Variants in ABCA13 observed in about 807,000 individuals in gnomAD.
The protein encoded by ABCA13 is ATP binding cassette subfamily A member 13, also known as ATP-binding cassette sub-family A member 13.
A neutral mutation model predicts 478.7 loss-of-function variants in ABCA13; 476 were observed. That is an observed-to-expected ratio of 0.99 (90% confidence interval 0.92 to 1.07). ABCA13 has a LOEUF of 1.07. Among genes scored for constraint, ABCA13 ranks in the 50% least tolerant of loss-of-function variants. The pLI is 0.00. For synonymous variants in ABCA13, 2,252 were observed against 2,158.9 expected (o/e 1.04, Z -1.20); for missense variants, 6,060 against 5,910.6 (o/e 1.03, Z -0.83).
At chr7:48,556,783 A>G (rs570830178) in intron 55 of ABCA13, among the ~76,000 whole-genome samples, 2 of 151,872 alleles carry the variant, frequency 1.3e-5, no homozygotes, top group Non-Finnish European at 2.9e-5. Flanking sequence ...TTTTGATTGG[A>G]GAGTTTTGTC....
At chr7:48,417,430 T>C (rs568885918) in intron 41 of ABCA13, among the ~76,000 whole-genome samples, 19 of 152,314 alleles carry the variant, frequency 1.2e-4, no homozygotes, top group Admixed American at 2.6e-4. Context: ...GACAAGAACA[T>C]TGACACTTGC....
chr7:48,481,412 A>G (rs1828744031), intron 46 of ABCA13, among the ~76,000 whole-genome samples: 1 of 152,210 alleles, frequency 6.6e-6, no homozygotes, highest in African/African-American at 2.4e-5. Context: ...AAACAAACAA[A>G]AAAAATTCCA....
chr7:48,464,420 T>A (rs1437719152), intron 43 of ABCA13, among the ~76,000 whole-genome samples: 1 of 152,242 alleles, frequency 6.6e-6, no homozygotes, highest in Non-Finnish European at 1.5e-5. Context: ...TTAGGACAGT[T>A]GTAAACCATA....
At chr7:48,263,966 C>CA (rs1347964157) in intron 15 of ABCA13, among the ~76,000 whole-genome samples, 2 of 151,870 alleles carry the variant, frequency 1.3e-5, no homozygotes, top group African/African-American at 4.8e-5. Flanking sequence ...CCTGCCCTGT[C>CA]ACCAGGCTAC....
chr7:48,250,153 T>C (rs1370468062), intron 15 of ABCA13, among the ~76,000 whole-genome samples: 1 of 152,186 alleles, frequency 6.6e-6, no homozygotes, highest in Non-Finnish European at 1.5e-5. Flanking sequence ...GAACAGTAGA[T>C]GGAAGAAATG....
Position 48,400,645 on chromosome 7 carries a change from G to A in ABCA13, c.11874-3038G>A, listed in dbSNP as rs114262148. Among the ~76,000 whole-genome samples, 1,459 of 152,244 alleles carry A rather than the reference G, an allele frequency of 9.6e-3. 18 individuals are homozygous for A. Among genetic ancestry groups the A allele is most frequent in the African/African-American group, 0.034 (1,393 of 41,558 alleles). ...AATTGCTGTCTTCTTTAATTTTTAA[G>A]TCCACTCTAAGCATATGAACAATGC... is the stretch of plus-strand genomic sequence containing the variant. On this transcript the variant is annotated intron_variant, in intron 38 of 61. Coordinates refer to ENST00000435803, the MANE Select transcript of ABCA13 (RefSeq NM_152701.5).
At chr7:48,228,623 G>A (rs1036492553) in intron 6 of ABCA13, among the ~76,000 whole-genome samples, 3 of 152,134 alleles carry the variant, frequency 2.0e-5, no homozygotes, top group Non-Finnish European at 4.4e-5. Context: ...GCCAGGGACA[G>A]GTGCTCCCCA....
At chr7:48,584,738 GT>G (rs143779797) in intron 56 of ABCA13, among the ~76,000 whole-genome samples, 6 of 151,694 alleles carry the variant, frequency 4.0e-5, no homozygotes, top group Admixed American at 6.6e-5. Context: ...GCTATTAGAA[GT>G]TTTTTTTTAT....
At chr7:48,517,020 A>T in intron 52 of ABCA13, 139 bp downstream of exon 52, 1 of 977,580 alleles carries the variant, frequency 1.0e-6, no homozygotes, top group Non-Finnish European at 1.5e-6. Flanking sequence ...AACTCCAGAG[A>T]GATAAATGGA....
intron 55 of ABCA13, among the ~76,000 whole-genome samples, chr7:48,565,837 A>G (rs903359267): frequency 7.9e-5 from 12 of 152,082 alleles, no homozygotes; most frequent in African/African-American, 2.9e-4. Flanking sequence ...TTCTCCTAAC[A>G]AACACATGGC....
intron 40 of ABCA13, among the ~76,000 whole-genome samples, chr7:48,411,964 G>C (rs570845735): frequency 6.6e-6 from 1 of 152,032 alleles, no homozygotes; most frequent in Non-Finnish European, 1.5e-5. Context: ...GAGAATTCTT[G>C]TCTCCCTTTT....
At chr7:48,394,630 G>C (rs1816575971) in intron 38 of ABCA13, among the ~76,000 whole-genome samples, 1 of 152,036 alleles carries the variant, frequency 6.6e-6, no homozygotes, top group African/African-American at 2.4e-5. Flanking sequence ...AGTCTGTTTG[G>C]TTCACTATAG....
intron 55 of ABCA13, among the ~76,000 whole-genome samples, chr7:48,539,877 C>T (rs1219708908): frequency 6.6e-6 from 1 of 152,206 alleles, no homozygotes; most frequent in Non-Finnish European, 1.5e-5. Context: ...ATCTATCTTG[C>T]TCCAAATGCT....
chr7:48,633,939 G>GATACATAC (rs3031336), intron 59 of ABCA13, among the ~76,000 whole-genome samples: 1 of 99,836 alleles, frequency 1.0e-5, no homozygotes, highest in African/African-American at 4.0e-5. Context: ...TACATAGATA[G>GATACATAC]ATAGATAGAT....
At chr7:48,291,507 T>C (rs1478965937) in intron 20 of ABCA13, among the ~76,000 whole-genome samples, 4 of 152,258 alleles carry the variant, frequency 2.6e-5, no homozygotes, top group East Asian at 3.9e-4. Flanking sequence ...AAACGTCATG[T>C]AATGTGGATC....
intron 52 of ABCA13, among the ~76,000 whole-genome samples, chr7:48,518,210 T>C (rs988163319): frequency 6.6e-6 from 1 of 152,176 alleles, no homozygotes; most frequent in African/African-American, 2.4e-5. Flanking sequence ...TCAGTAGAGA[T>C]AGTGTACAAT....
At chr7:48,330,848 A>C (rs550364382) in intron 27 of ABCA13, among the ~76,000 whole-genome samples, 2 of 152,282 alleles carry the variant, frequency 1.3e-5, no homozygotes, top group East Asian at 3.9e-4. Flanking sequence ...CAAGATGGGG[A>C]GAAAGCAGGC....
chr7:48,471,669 C>A, intron 45 of ABCA13, 70 bp downstream of exon 45: 1 of 1,377,100 alleles, frequency 7.3e-7, no homozygotes, highest in Non-Finnish European at 9.9e-7. Flanking sequence ...TTTACCCTAT[C>A]TATAAAATTT....
In ABCA13 at chr7:48,248,175, G is replaced by A. The variant is rs1178109751; in HGVS notation, c.1660-64G>A. ...TTTAGTGATACAGGGTCAAGGCTGC[G>A]TCTCAAATACCCACATCTGAATTGC... On this transcript the variant is annotated intron_variant, in intron 13 of 61. Transcript: ENST00000435803. The A allele has an allele frequency of 1.9e-5, 26 of 1,385,864 alleles. No homozygotes were observed. In the East Asian group the frequency reaches 2.4e-4, roughly 13 times the overall value. 85.8% of individuals were successfully genotyped at this position (1,385,864 alleles called of 1,614,324 possible).
Sources: allele counts gnomAD v4.1 joint callset (sites outside exome capture counted in the v4.1 genomes callset), GRCh38; gene constraint gnomAD v4.1.1; transcripts MANE v1.5; gene names NCBI Gene and HGNC (gene_info 2026-07-23, HGNC 2026-07-21).